The following GALNT17 variants were observed in gnomAD, a reference collection of about 807,000 sequenced individuals.
The protein encoded by GALNT17 is polypeptide N-acetylgalactosaminyltransferase 17, also known as UDP-GalNAc:polypeptide N-acetylgalactosaminyltransferase-like 3.
Under a neutral mutation model 63.7 loss-of-function variants are expected in GALNT17, and 29 were observed. The ratio of observed to expected loss-of-function variants is 0.46; its 90% CI spans 0.34 to 0.62. The LOEUF (loss-of-function observed/expected upper bound fraction) is 0.62. Ranked by LOEUF, GALNT17 falls within the 20% of genes least tolerant of loss-of-function variation. The pLI, the probability that GALNT17 is intolerant of heterozygous loss-of-function variation, is 0.01. For synonymous variants in GALNT17, 305 were observed against 318.3 expected (o/e 0.96, Z 0.45); for missense variants, 603 against 799.6 (o/e 0.75, Z 2.97).
intron 2 of GALNT17, among the ~76,000 whole-genome samples, chr7:71,350,148 G>T (rs374034904): frequency 1.3e-5 from 2 of 152,008 alleles, no homozygotes; most frequent in East Asian, 3.8e-4. Flanking sequence ...TAAAAATAAA[G>T]AAAGGAATTT....
chr7:71,264,175 T>C (rs1363114573), intron 1 of GALNT17, among the ~76,000 whole-genome samples: 1 of 152,176 alleles, frequency 6.6e-6, no homozygotes, highest in African/African-American at 2.4e-5. Context: ...GGGCAGCTGA[T>C]GCTTCCAGTT....
At chr7:71,286,782 TTTTG>T (rs139670524) in intron 1 of GALNT17, among the ~76,000 whole-genome samples, 44 of 150,258 alleles carry the variant, frequency 2.9e-4, no homozygotes, top group Middle Eastern at 3.5e-3. Context: ...TTTGTTATGT[TTTTG>T]TTTGTTTGTT....
chr7:71,489,648 C>T (rs1430548982), intron 5 of GALNT17, among the ~76,000 whole-genome samples: 3 of 152,342 alleles, frequency 2.0e-5, no homozygotes, highest in Middle Eastern at 3.4e-3. Context: ...CACCAGCCAA[C>T]GAGACATGGG....
chr7:71,326,499 C>G (rs1446707174), intron 1 of GALNT17, among the ~76,000 whole-genome samples: 2 of 152,140 alleles, frequency 1.3e-5, no homozygotes, highest in Admixed American at 6.6e-5. Flanking sequence ...AGAGGATCTC[C>G]TAACAATCTC....
intron 5 of GALNT17, among the ~76,000 whole-genome samples, chr7:71,536,708 T>A (rs961566661): frequency 6.6e-6 from 1 of 152,102 alleles, no homozygotes; most frequent in African/African-American, 2.4e-5. Context: ...GGAGTGCAAT[T>A]CAAGATGAGA....
chr7:71,238,735 G>T lies in GALNT17; in HGVS notation c.239-96815G>T, dbSNP rs143582638. 5.4e-3 allele frequency among the ~76,000 whole-genome samples: 817 copies of T among 152,300 alleles called. 8 individuals are homozygous for T. Among genetic ancestry groups the T allele is most frequent in the African/African-American group, 0.019 (787 of 41,552 alleles). On this transcript the variant is annotated intron_variant, in intron 1 of 10. Coordinates refer to ENST00000333538, the MANE Select transcript of GALNT17 (RefSeq NM_022479.3). Reference sequence around the variant, plus strand: ...AGTCAGCAGCCTGTCTGGTGGCCCCGTGGGGGTCTCCAGCATTTATACCCT... The same window carrying T: ...AGTCAGCAGCCTGTCTGGTGGCCCCTTGGGGGTCTCCAGCATTTATACCCT...
intron 1 of GALNT17, among the ~76,000 whole-genome samples, chr7:71,159,241 C>T (rs1212716697): frequency 8.6e-6 from 1 of 116,236 alleles, no homozygotes; most frequent in Non-Finnish European, 1.8e-5. Flanking sequence ...TTTTTTAACT[C>T]AAATGTGCCT....
chr7:71,713,173 A>T lies in GALNT17; in HGVS notation c.*1027A>T, dbSNP rs1244257664. 2.0e-5 allele frequency: 3 copies of T among 152,882 alleles called. No individual in the cohort carries two copies. In the East Asian group the frequency reaches 5.8e-4, roughly 30 times the overall value. 9.5% of individuals were successfully genotyped at this position (152,882 alleles called of 1,614,324 possible). ...AGAGTTAATATATGAACGCGTGTGC[A>T]TGCACAAGTGTGTGTGTGCCTGCGT... On this transcript the variant is annotated 3_prime_UTR_variant, in exon 11 of 11. Coordinates refer to ENST00000333538, the MANE Select transcript of GALNT17 (RefSeq NM_022479.3).
intron 2 of GALNT17, among the ~76,000 whole-genome samples, chr7:71,366,561 C>T (rs1792513546): frequency 6.6e-6 from 1 of 151,102 alleles, no homozygotes; most frequent in African/African-American, 2.5e-5. Context: ...AGCCTGGCGA[C>T]AGAGCGAGAC....
chr7:71,552,970 G>A (rs1225350489), intron 5 of GALNT17, among the ~76,000 whole-genome samples: 4 of 152,040 alleles, frequency 2.6e-5, no homozygotes, highest in African/African-American at 7.2e-5. Context: ...TTCTAGTCTC[G>A]GCCAGAGTTC....
chr7:71,217,137 C>T (rs1230931940), intron 1 of GALNT17, among the ~76,000 whole-genome samples: 12 of 125,918 alleles, frequency 9.5e-5, no homozygotes, highest in African/African-American at 2.7e-4. Flanking sequence ...CTAATTTTTT[C>T]GTGTTTTGTT....
intron 5 of GALNT17, among the ~76,000 whole-genome samples, chr7:71,527,723 C>A (rs1215257003): frequency 1.3e-5 from 2 of 152,188 alleles, no homozygotes; most frequent in Non-Finnish European, 2.9e-5. Flanking sequence ...TAAGAAGAGA[C>A]CTTTATTTTA....
intron 6 of GALNT17, among the ~76,000 whole-genome samples, chr7:71,613,223 G>A (rs1162128927): frequency 6.6e-6 from 1 of 152,200 alleles, no homozygotes; most frequent in Non-Finnish European, 1.5e-5. Flanking sequence ...GCTAATGATG[G>A]TACATTCGTA....
chr7:71,145,012 G>A (rs537476524), intron 1 of GALNT17, among the ~76,000 whole-genome samples: 5 of 152,174 alleles, frequency 3.3e-5, no homozygotes, highest in Non-Finnish European at 5.9e-5. Context: ...ACAGGTGTGA[G>A]CCACTGTGCC....
chr7:71,353,961 G>A (rs1792234173), intron 2 of GALNT17, among the ~76,000 whole-genome samples: 2 of 152,156 alleles, frequency 1.3e-5, no homozygotes, highest in Admixed American at 6.6e-5. Flanking sequence ...TACAATTGTG[G>A]CGGAAGATGA....
chr7:71,387,863 A>C (rs1203279691), intron 2 of GALNT17, among the ~76,000 whole-genome samples: 2 of 152,144 alleles, frequency 1.3e-5, no homozygotes, highest in Non-Finnish European at 2.9e-5. Flanking sequence ...CTTCACCTCC[A>C]AAATAAACTA....
chr7:71,591,481 C>T (rs943184066), intron 6 of GALNT17, among the ~76,000 whole-genome samples: 1 of 152,196 alleles, frequency 6.6e-6, no homozygotes, highest in Non-Finnish European at 1.5e-5. Flanking sequence ...GTGATGTGCT[C>T]AGCCTTCCAG....
In GALNT17 at chr7:71,499,030, T is replaced by G. The variant is rs190641700; in HGVS notation, c.963-72255T>G. Among the ~76,000 whole-genome samples, 23 of 152,368 alleles carry G rather than the reference T, an allele frequency of 1.5e-4. No homozygotes were observed. In the East Asian group the frequency reaches 4.2e-3, roughly 28 times the overall value. ...TGACCTGCAGGACATTGGAATATTTTGTGAATCTCCATAGCAACTCTTTCA... is the reference window on the plus strand; with the variant it reads ...TGACCTGCAGGACATTGGAATATTTGGTGAATCTCCATAGCAACTCTTTCA... On this transcript the variant is annotated intron_variant, in intron 5 of 10. Transcript: ENST00000333538.
rs2960861 is a variant in GALNT17 at position 71,433,601 on chromosome 7, T to C, written c.962+12496T>C. 2.8e-3 allele frequency among the ~76,000 whole-genome samples: 431 copies of C among 152,288 alleles called. 1 individual carries two copies. Among genetic ancestry groups the C allele is most frequent in the African/African-American group, 9.8e-3 (408 of 41,566 alleles). Reference sequence around the variant, plus strand: ...GACAGATTGAGTATCAATTATTGGTTCACAATGGCCTGGAACGTTTCTCTC... The same window carrying C: ...GACAGATTGAGTATCAATTATTGGTCCACAATGGCCTGGAACGTTTCTCTC... On this transcript the variant is annotated intron_variant, in intron 5 of 10. Transcript: ENST00000333538.
Sources: allele counts gnomAD v4.1 joint callset (sites outside exome capture counted in the v4.1 genomes callset), GRCh38; gene constraint gnomAD v4.1.1; transcripts MANE v1.5; gene names NCBI Gene and HGNC (gene_info 2026-07-23, HGNC 2026-07-21).